BAALC: variants seen among roughly 807,000 people sequenced by gnomAD.
BAALC encodes brain and acute leukemia cytoplasmic protein.
BAALC carries 9 observed loss-of-function variants against 15.5 expected under a neutral mutation model. The ratio of observed to expected loss-of-function variants is 0.58; its 90% CI spans 0.35 to 1.02. The LOEUF (loss-of-function observed/expected upper bound fraction) is 1.02, where lower values mean the gene tolerates loss of function less well. Among genes scored for constraint, BAALC ranks in the 50% least tolerant of loss-of-function variants. The pLI is 0.02. For missense variants in BAALC, 201 were observed against 192.4 expected, an observed-to-expected ratio of 1.04 and a Z score of -0.27; for synonymous variants, 80 against 74.6, an observed-to-expected ratio of 1.07 and a Z score of -0.37.
At chr8:103,155,402 G>C (rs994741512) in intron 1 of BAALC, among the ~76,000 whole-genome samples, 1 of 152,206 alleles carries the variant, frequency 6.6e-6, no homozygotes, top group East Asian at 1.9e-4. Context: ...GAGTGGAATG[G>C]CTGTTGTAAT....
At chr8:103,143,621 T>C (rs904772030) in intron 1 of BAALC, among the ~76,000 whole-genome samples, 10 of 152,194 alleles carry the variant, frequency 6.6e-5, no homozygotes, top group African/African-American at 2.4e-4. Flanking sequence ...TCACAGACTT[T>C]ACCCTCAGCT....
rs1010871672 is a variant in BAALC at position 103,196,466 on chromosome 8, A to C, written c.161-16453A>C. On this transcript the variant is annotated intron_variant, in intron 1 of 2. Transcript: ENST00000309982. ...TGGCTAATTTTTTTATTTTTTGTAG[A>C]AAAGGGTTTTTGCCATGTTGCCCAC... Among the ~76,000 whole-genome samples, 5 of 151,802 alleles carry C rather than the reference A, an allele frequency of 3.3e-5. No individual in the cohort carries two copies. In the South Asian group the frequency reaches 6.2e-4, roughly 19 times the overall value.
intron 1 of BAALC, among the ~76,000 whole-genome samples, chr8:103,183,789 A>C (rs1811777464): frequency 6.6e-6 from 1 of 152,212 alleles, no homozygotes; most frequent in Non-Finnish European, 1.5e-5. Context: ...GGAATACCTA[A>C]GTTTACAGAG....
intron 1 of BAALC, among the ~76,000 whole-genome samples, chr8:103,149,750 G>A (rs1810945661): frequency 6.6e-6 from 1 of 152,192 alleles, no homozygotes; most frequent in African/African-American, 2.4e-5. Context: ...AAAGGTCATG[G>A]AGAAGTAAAG....
intron 1 of BAALC, chr8:103,166,376 G>A (rs1331744239): frequency 6.6e-6 from 1 of 152,572 alleles, no homozygotes; most frequent in Non-Finnish European, 1.5e-5. Flanking sequence ...AAGAGCCAAA[G>A]AGCCCTGTTT....
intron 1 of BAALC, among the ~76,000 whole-genome samples, chr8:103,173,927 G>A (rs1371784406): frequency 6.6e-6 from 1 of 152,124 alleles, no homozygotes; most frequent in Non-Finnish European, 1.5e-5. Flanking sequence ...GTCTACATAA[G>A]AACCAAAAGG....
intron 1 of BAALC, among the ~76,000 whole-genome samples, chr8:103,153,544 G>A (rs1811025254): frequency 6.6e-6 from 1 of 152,208 alleles, no homozygotes; most frequent in Non-Finnish European, 1.5e-5. Context: ...ACTTCAGACT[G>A]TGCTGTGTAC....
At chr8:103,171,203 A>G (rs907471028) in intron 1 of BAALC, among the ~76,000 whole-genome samples, 1 of 148,892 alleles carries the variant, frequency 6.7e-6, no homozygotes, top group South Asian at 2.2e-4. Context: ...GGAGGAAGGA[A>G]AGAGAGAGAG....
chr8:103,172,391 C>CT (rs36037103), intron 1 of BAALC, among the ~76,000 whole-genome samples: 3,429 of 100,070 alleles, frequency 0.034, 93 homozygotes, highest in Non-Finnish European at 0.042. Context: ...TTCTGGCTTG[C>CT]TTTTTTTTTT....
intron 1 of BAALC, among the ~76,000 whole-genome samples, chr8:103,160,157 G>A (rs1811189854): frequency 6.6e-6 from 1 of 151,944 alleles, no homozygotes; most frequent in Non-Finnish European, 1.5e-5. Context: ...ACACATAATT[G>A]GACAAAATGC....
chr8:103,174,995 C>T (rs180904507), intron 1 of BAALC, among the ~76,000 whole-genome samples: 2 of 152,268 alleles, frequency 1.3e-5, no homozygotes, highest in East Asian at 3.9e-4. Flanking sequence ...ATTTTCATTG[C>T]ATGGAATTAT....
rs145351117 is a variant in BAALC, at chr8:103,149,549, C to T, written c.160+8492C>T. Among the ~76,000 whole-genome samples the T allele has an allele frequency of 1.5e-3, 235 of 152,270 alleles. 1 individual carries two copies. Among genetic ancestry groups the T allele is most frequent in the African/African-American group, 5.4e-3 (225 of 41,536 alleles). On this transcript the variant is annotated intron_variant, in intron 1 of 2. Transcript: ENST00000309982. Reference sequence around the variant, plus strand: ...TTTCATCTTTCAGGTCCCATGAAGACGATGCTGTATTTGCATCTTATACGT... The same window carrying T: ...TTTCATCTTTCAGGTCCCATGAAGATGATGCTGTATTTGCATCTTATACGT...
chr8:103,216,953 C>A (rs1385455902), intron 2 of BAALC, among the ~76,000 whole-genome samples: 1 of 152,170 alleles, frequency 6.6e-6, no homozygotes, highest in Non-Finnish European at 1.5e-5. Flanking sequence ...GCCGCACATA[C>A]ACACACACCC....
chr8:103,184,838 C>A (rs1811797706), intron 1 of BAALC, among the ~76,000 whole-genome samples: 1 of 152,208 alleles, frequency 6.6e-6, no homozygotes, highest in Non-Finnish European at 1.5e-5. Context: ...GATGCAGGCT[C>A]AAGAGAACCA....
intron 1 of BAALC, among the ~76,000 whole-genome samples, chr8:103,174,519 G>A (rs1811565777): frequency 6.6e-6 from 1 of 152,178 alleles, no homozygotes; most frequent in African/African-American, 2.4e-5. Context: ...CTCAACTTGT[G>A]AACTGCAAAG....
At chr8:103,187,758 C>T (rs1009271218) in intron 1 of BAALC, among the ~76,000 whole-genome samples, 6 of 152,102 alleles carry the variant, frequency 3.9e-5, no homozygotes, top group African/African-American at 1.4e-4. Context: ...TCCTTCTTCC[C>T]TTAGAGGGAG....
At chr8:103,174,644 C>G (rs1335409196) in intron 1 of BAALC, among the ~76,000 whole-genome samples, 1 of 152,200 alleles carries the variant, frequency 6.6e-6, no homozygotes, top group Non-Finnish European at 1.5e-5. Context: ...GAGAAAGCCA[C>G]TTTTTTAGAC....
chr8:103,148,045 C>G lies in BAALC; in HGVS notation c.160+6988C>G, dbSNP rs79248519. Among the ~76,000 whole-genome samples, 105 of 152,286 alleles carry G rather than the reference C, an allele frequency of 6.9e-4. No homozygotes were observed. The East Asian group carries it at 0.016, about 23-fold the overall frequency. On this transcript the variant is annotated intron_variant, in intron 1 of 2. Transcript: ENST00000309982. ...GTGCTGATTTGTGTCTCCCCCAATT[C>G]ACATGTTGAAGCCCTAACCCCCTCT...
chr8:103,221,527 G>T (rs887902351), intron 2 of BAALC, among the ~76,000 whole-genome samples: 2 of 151,966 alleles, frequency 1.3e-5, no homozygotes, highest in African/African-American at 4.8e-5. Context: ...CATTAAAAAG[G>T]TATGGGGGGT....
Sources: gnomAD v4.1 joint callset for allele counts (sites outside exome capture counted in the v4.1 genomes callset) on GRCh38, gnomAD v4.1.1 for gene constraint, MANE v1.5 for transcripts, NCBI Gene and HGNC (gene_info 2026-07-23, HGNC 2026-07-21) for gene names.